NTM: variants seen among roughly 807,000 people sequenced by gnomAD.
The protein encoded by NTM is neurotrimin.
NTM carries 13 observed loss-of-function variants against 42.1 expected under a neutral mutation model. The observed-to-expected ratio is 0.31, with a 90% CI of 0.20 to 0.49. NTM has a LOEUF of 0.49. NTM is among the 20% of genes least tolerant of loss of function. The pLI is 0.99. For missense variants in NTM, 373 were observed against 452.8 expected (o/e 0.82, Z 1.60); for synonymous variants, 187 against 179.2 (o/e 1.04, Z -0.35).
chr11:132,174,283 A>G (rs1042067951), intron 3 of NTM, among the ~76,000 whole-genome samples: 6 of 152,194 alleles, frequency 3.9e-5, no homozygotes, highest in African/African-American at 1.4e-4. Flanking sequence ...TGCAAAATAG[A>G]CTTATGAATG....
At chr11:131,435,876 G>A (rs539710525) in intron 1 of NTM, among the ~76,000 whole-genome samples, 16 of 152,242 alleles carry the variant, frequency 1.1e-4, no homozygotes, top group African/African-American at 3.9e-4. Flanking sequence ...GTTTTCAAAG[G>A]GAATGCTTCC....
chr11:131,761,583 C>T (rs2084185114), intron 1 of NTM, among the ~76,000 whole-genome samples: 1 of 152,068 alleles, frequency 6.6e-6, no homozygotes, highest in East Asian at 1.9e-4. Flanking sequence ...GTGGGCAGAT[C>T]ACCTGAGGTC....
chr11:131,402,363 G>T (rs1945338017), intron 1 of NTM, among the ~76,000 whole-genome samples: 1 of 149,712 alleles, frequency 6.7e-6, no homozygotes, highest in Admixed American at 6.7e-5. Flanking sequence ...GGAGAAAATT[G>T]CTTATCTCCC....
chr11:131,464,637 G>A (rs185508550), intron 1 of NTM, among the ~76,000 whole-genome samples: 44 of 152,114 alleles, frequency 2.9e-4, no homozygotes, highest in East Asian at 9.7e-4. Flanking sequence ...CTGACACCTC[G>A]AACAAGCTCA....
At chr11:131,800,941 G>A (rs895642350) in intron 1 of NTM, among the ~76,000 whole-genome samples, 9 of 152,312 alleles carry the variant, frequency 5.9e-5, no homozygotes, top group Admixed American at 1.3e-4. Flanking sequence ...ATAGTAGGAC[G>A]TGGCCCGTGC....
chr11:131,955,593 C>G (rs1296743013), intron 2 of NTM, among the ~76,000 whole-genome samples: 1 of 152,142 alleles, frequency 6.6e-6, no homozygotes, highest in Non-Finnish European at 1.5e-5. Flanking sequence ...ACATAAATGA[C>G]AAAAGAACTA....
At chr11:131,391,406 C>T (rs963241508) in intron 1 of NTM, among the ~76,000 whole-genome samples, 2 of 152,112 alleles carry the variant, frequency 1.3e-5, no homozygotes, top group Non-Finnish European at 2.9e-5. Flanking sequence ...AATTTCCCAC[C>T]TGAGTACTGA....
intron 1 of NTM, among the ~76,000 whole-genome samples, chr11:131,780,061 G>A (rs1032837277): frequency 6.6e-6 from 1 of 152,184 alleles, no homozygotes; most frequent in African/African-American, 2.4e-5. Context: ...TCAGTGTCTT[G>A]AGGCTAGTGA....
chr11:132,052,335 C>T (rs1010182225), intron 2 of NTM, among the ~76,000 whole-genome samples: 1 of 152,188 alleles, frequency 6.6e-6, no homozygotes, highest in East Asian at 1.9e-4. Flanking sequence ...CCGGCATTCT[C>T]TCTAAGTTTG....
At chr11:131,818,218 G>T (rs2136379890) in intron 1 of NTM, among the ~76,000 whole-genome samples, 1 of 147,714 alleles carries the variant, frequency 6.8e-6, no homozygotes, top group Non-Finnish European at 1.5e-5. Context: ...AGTCCTGTCG[G>T]TATCTCCTCA....
chr11:131,842,433 G>A (rs1165930415), intron 1 of NTM, among the ~76,000 whole-genome samples: 1 of 152,116 alleles, frequency 6.6e-6, no homozygotes, highest in South Asian at 2.1e-4. Context: ...CGTGGTTTCC[G>A]TTTCATTTCT....
At chr11:131,529,911 C>G (rs402049) in intron 1 of NTM, among the ~76,000 whole-genome samples, 1 of 152,038 alleles carries the variant, frequency 6.6e-6, no homozygotes, top group African/African-American at 2.4e-5. Context: ...CTCCCCCAGC[C>G]TATAATCTAA....
intron 1 of NTM, among the ~76,000 whole-genome samples, chr11:131,424,634 C>T (rs1267949258): frequency 2.3e-5 from 1 of 43,596 alleles, no homozygotes; most frequent in African/African-American, 9.1e-5. Flanking sequence ...AATCTTGGCT[C>T]ACTGCAAGTT....
intron 3 of NTM, among the ~76,000 whole-genome samples, chr11:132,182,008 G>T (rs1038111490): frequency 7.2e-6 from 1 of 138,200 alleles, no homozygotes; most frequent in Admixed American, 7.2e-5. Flanking sequence ...TCTAGGAAGG[G>T]TGTTCCGATT....
At chr11:132,178,684 C>T (rs1021164681) in intron 3 of NTM, among the ~76,000 whole-genome samples, 3 of 151,920 alleles carry the variant, frequency 2.0e-5, no homozygotes, top group African/African-American at 7.3e-5. Context: ...ATCATTTGCT[C>T]GTCTTAAAAA....
intron 2 of NTM, among the ~76,000 whole-genome samples, chr11:132,113,668 C>A (rs2063518430): frequency 6.6e-6 from 1 of 152,192 alleles, no homozygotes; most frequent in Non-Finnish European, 1.5e-5. Flanking sequence ...ACAATCATTT[C>A]TTGGGTTGTC....
chr11:131,715,457 T>C (rs1402983174), intron 1 of NTM, among the ~76,000 whole-genome samples: 1 of 152,232 alleles, frequency 6.6e-6, no homozygotes, highest in Admixed American at 6.5e-5. Context: ...TTTATGTATA[T>C]GTTTAACAGC....
intron 1 of NTM, among the ~76,000 whole-genome samples, chr11:131,598,701 TTCTTTCTTTC>T (rs1444545377): frequency 1.6e-5 from 1 of 61,838 alleles, no homozygotes; most frequent in African/African-American, 4.7e-5. Flanking sequence ...CTTTCTTTCT[TTCTTTCTTTC>T]TTTCTTTCTT....
intron 1 of NTM, among the ~76,000 whole-genome samples, chr11:131,657,143 A>G (rs1298133691): frequency 1.7e-5 from 1 of 57,220 alleles, no homozygotes. Context: ...CCCTATGAAG[A>G]CCAGCCCAAA....
Sources: allele counts gnomAD v4.1 joint callset (sites outside exome capture counted in the v4.1 genomes callset), GRCh38; gene constraint gnomAD v4.1.1; transcripts MANE v1.5; gene names NCBI Gene and HGNC (gene_info 2026-07-23, HGNC 2026-07-21).